EDIL3: variants seen among roughly 807,000 people sequenced by gnomAD.
The protein encoded by EDIL3 is EGF like and discoidin domains 3.
In EDIL3, 37 loss-of-function variants were observed where a neutral mutation model predicts 67.4. The ratio of observed to expected loss-of-function variants is 0.55; its 90% CI spans 0.42 to 0.72. The LOEUF (loss-of-function observed/expected upper bound fraction) is 0.72, where lower values mean the gene tolerates loss of function less well. Among genes scored for constraint, EDIL3 ranks in the 30% least tolerant of loss-of-function variants. The pLI is 0.00. For synonymous variants in EDIL3, 195 were observed against 196.3 expected, an observed-to-expected ratio of 0.99 and a Z score of 0.05; for missense variants, 527 against 586.3, an observed-to-expected ratio of 0.90 and a Z score of 1.04.
chr5:83,956,527 C>A (rs1317285698), intron 10 of EDIL3, among the ~76,000 whole-genome samples: 1 of 151,716 alleles, frequency 6.6e-6, no homozygotes, highest in Non-Finnish European at 1.5e-5. Flanking sequence ...ATTGTCCTTT[C>A]CCAACTCAGC....
intron 9 of EDIL3, among the ~76,000 whole-genome samples, chr5:83,986,029 A>G (rs1428566477): frequency 3.3e-5 from 5 of 152,136 alleles, no homozygotes; most frequent in African/African-American, 1.2e-4. Context: ...TAAAACCTGA[A>G]AAACAAGGTT....
intron 6 of EDIL3, among the ~76,000 whole-genome samples, chr5:84,085,717 T>TC (rs529359271): frequency 7.2e-5 from 11 of 151,984 alleles, no homozygotes; most frequent in Non-Finnish European, 1.5e-4. Flanking sequence ...GCTGGGAGAA[T>TC]CCCCCTTGTC....
chr5:84,162,380 T>C (rs1388464585), intron 4 of EDIL3, among the ~76,000 whole-genome samples: 2 of 152,086 alleles, frequency 1.3e-5, no homozygotes, highest in Non-Finnish European at 2.9e-5. Flanking sequence ...AAGGCGATAT[T>C]CTCTTCTCTC....
chr5:84,021,116 TTTC>T (rs1179648840), intron 9 of EDIL3, among the ~76,000 whole-genome samples: 1 of 152,032 alleles, frequency 6.6e-6, no homozygotes, highest in African/African-American at 2.4e-5. Flanking sequence ...TTGGATCTTC[TTTC>T]TTCTTTTCTT....
intron 2 of EDIL3, among the ~76,000 whole-genome samples, chr5:84,237,478 A>G (rs1290578740): frequency 1.3e-5 from 2 of 152,124 alleles, no homozygotes; most frequent in African/African-American, 4.8e-5. Flanking sequence ...ATTACTAACT[A>G]AAATTCACCA....
chr5:84,351,159 G>A (rs762607508), intron 1 of EDIL3, among the ~76,000 whole-genome samples: 60 of 152,084 alleles, frequency 3.9e-4, no homozygotes, highest in Admixed American at 1.3e-3. Context: ...ATGTTTATTT[G>A]TCAGCAAGGA....
chr5:84,286,072 T>C (rs1745801058), intron 1 of EDIL3, among the ~76,000 whole-genome samples: 1 of 152,186 alleles, frequency 6.6e-6, no homozygotes, highest in Non-Finnish European at 1.5e-5. Context: ...TCTTTAAATT[T>C]TTGCTTTAGC....
chr5:83,948,208 G>C (rs760656027), intron 10 of EDIL3, among the ~76,000 whole-genome samples: 22 of 151,570 alleles, frequency 1.5e-4, no homozygotes, highest in Non-Finnish European at 3.0e-4. Context: ...ACTTGTATCT[G>C]TTTTATAAAG....
intron 9 of EDIL3, among the ~76,000 whole-genome samples, chr5:83,966,289 T>C (rs1225801630): frequency 6.6e-6 from 1 of 152,118 alleles, no homozygotes; most frequent in Non-Finnish European, 1.5e-5. Context: ...TAAATGTGTC[T>C]TATATATAAC....
At position 84,062,965 on chromosome 5, in the gene EDIL3, T is replaced by C. The variant is rs144196032; in HGVS notation, c.952+1735A>G. ...TGGGTATTTCTATAATGAAGTGCTC[T>C]AGTTTTTTAAAGCATCCATTGAGAG... On this transcript the variant is annotated intron_variant, in intron 8 of 10. Coordinates refer to ENST00000296591, the MANE Select transcript of EDIL3 (RefSeq NM_005711.5). Among the ~76,000 whole-genome samples, 769 of 152,262 alleles carry C rather than the reference T, an allele frequency of 5.1e-3. 7 individuals are homozygous for C. The highest frequency in any genetic ancestry group is 0.018 in the African/African-American group (736 of 41,590).
chr5:84,377,212 C>G (rs956184006), intron 1 of EDIL3, among the ~76,000 whole-genome samples: 5 of 150,870 alleles, frequency 3.3e-5, no homozygotes, highest in Non-Finnish European at 5.9e-5. Flanking sequence ...ATTCAGGAGG[C>G]TGAGGCAGGA....
intron 5 of EDIL3, among the ~76,000 whole-genome samples, chr5:84,131,958 C>T (rs1358569868): frequency 6.6e-6 from 1 of 151,878 alleles, no homozygotes; most frequent in Non-Finnish European, 1.5e-5. Context: ...AGGGGCTGGG[C>T]ACCGTGGCTC....
intron 9 of EDIL3, among the ~76,000 whole-genome samples, chr5:83,974,964 GGTAAA>G: frequency 6.6e-6 from 1 of 151,776 alleles, no homozygotes; most frequent in African/African-American, 2.4e-5. Flanking sequence ...CTTAATAAAT[GGTAAA>G]GTATAGAACC....
At chr5:84,208,840 A>C (rs1338190548) in intron 3 of EDIL3, among the ~76,000 whole-genome samples, 8 of 151,738 alleles carry the variant, frequency 5.3e-5, no homozygotes, top group Non-Finnish European at 1.2e-4. Context: ...ATCTAGAACT[A>C]GAAATACCAT....
chr5:84,068,460 C>A (rs1205081880), intron 6 of EDIL3, among the ~76,000 whole-genome samples: 1 of 152,034 alleles, frequency 6.6e-6, no homozygotes, highest in Non-Finnish European at 1.5e-5. Context: ...GGCTCATAAG[C>A]TATAGACACT....
At chr5:84,168,267 T>C (rs1748746870) in intron 4 of EDIL3, among the ~76,000 whole-genome samples, 1 of 152,174 alleles carries the variant, frequency 6.6e-6, no homozygotes, top group African/African-American at 2.4e-5. Context: ...TTGATTTACA[T>C]ACTTCTGTTA....
intron 9 of EDIL3, among the ~76,000 whole-genome samples, chr5:83,982,166 T>C (rs1744981314): frequency 5.3e-5 from 8 of 152,124 alleles, no homozygotes; most frequent in Admixed American, 5.2e-4. Context: ...ATGAAACTAA[T>C]TAAAAAATAT....
chr5:84,301,777 A>C (rs927141222), intron 1 of EDIL3, among the ~76,000 whole-genome samples: 3 of 152,240 alleles, frequency 2.0e-5, no homozygotes, highest in African/African-American at 7.2e-5. Context: ...GGAATATCTC[A>C]GTAATTCCTT....
At chr5:83,986,758 AT>A (rs1745063757) in intron 9 of EDIL3, among the ~76,000 whole-genome samples, 1 of 152,088 alleles carries the variant, frequency 6.6e-6, no homozygotes, top group South Asian at 2.1e-4. Flanking sequence ...ACATTGAAGG[AT>A]TAGTAGGAGT....
Sources: allele counts gnomAD v4.1 joint callset (sites outside exome capture counted in the v4.1 genomes callset), GRCh38; gene constraint gnomAD v4.1.1; transcripts MANE v1.5; gene names NCBI Gene and HGNC (gene_info 2026-07-23, HGNC 2026-07-21).